SMYD3: variants seen among roughly 807,000 people sequenced by gnomAD.
SMYD3 encodes the protein histone-lysine N-methyltransferase SMYD3.
In SMYD3, 36 loss-of-function variants were observed where a neutral mutation model predicts 57.7. The observed-to-expected ratio is 0.62, with a 90% CI of 0.48 to 0.82. The LOEUF (loss-of-function observed/expected upper bound fraction) is 0.82, where lower values mean the gene tolerates loss of function less well. Ranked by LOEUF, SMYD3 falls within the 40% of genes least tolerant of loss-of-function variation. The pLI is 0.00. For synonymous variants in SMYD3, 211 were observed against 195.0 expected (o/e 1.08, Z -0.68); for missense variants, 515 against 538.8 (o/e 0.96, Z 0.44).
At chr1:246,193,581 G>A (rs1193622468) in intron 5 of SMYD3, 2 of 152,370 alleles carry the variant, frequency 1.3e-5, no homozygotes, top group Non-Finnish European at 2.9e-5. Flanking sequence ...GGCACCCCAC[G>A]TTTCTCTCCA....
chr1:246,164,172 G>C (rs1277661648), intron 5 of SMYD3, among the ~76,000 whole-genome samples: 3 of 152,152 alleles, frequency 2.0e-5, no homozygotes, highest in Non-Finnish European at 4.4e-5. Flanking sequence ...TAAAAATAAG[G>C]CTTCTTGGGA....
intron 5 of SMYD3, among the ~76,000 whole-genome samples, chr1:246,039,153 C>T (rs539668267): frequency 6.6e-6 from 1 of 152,234 alleles, no homozygotes; most frequent in South Asian, 2.1e-4. Context: ...GGATTTGCAT[C>T]CTAAAAAATA....
chr1:246,315,830 A>C (rs1346544935), intron 5 of SMYD3, among the ~76,000 whole-genome samples: 1 of 152,244 alleles, frequency 6.6e-6, no homozygotes, highest in Admixed American at 6.5e-5. Flanking sequence ...GCTTTAAAAG[A>C]ATCTGGTTTG....
chr1:246,134,798 T>TC (rs956622669), intron 5 of SMYD3, among the ~76,000 whole-genome samples: 147 of 106,692 alleles, frequency 1.4e-3, no homozygotes, highest in African/African-American at 2.5e-3. Context: ...CACATTTTCT[T>TC]CCCCCCCCTG....
chr1:245,985,133 C>T (rs2058677070), intron 5 of SMYD3, among the ~76,000 whole-genome samples: 1 of 152,216 alleles, frequency 6.6e-6, no homozygotes, highest in East Asian at 1.9e-4. Context: ...TTCACTGCCT[C>T]CCTTTTGGTC....
intron 5 of SMYD3, among the ~76,000 whole-genome samples, chr1:246,106,439 A>G (rs1162200037): frequency 6.6e-6 from 1 of 152,186 alleles, no homozygotes; most frequent in Non-Finnish European, 1.5e-5. Context: ...TCTCAAAGGG[A>G]GTGCAAAATT....
In SMYD3 at chr1:245,813,037, C is replaced by T. The variant is rs1441953631; in HGVS notation, c.1076+45459G>A. On this transcript the variant is annotated intron_variant, in intron 10 of 11. Coordinates refer to ENST00000490107, the MANE Select transcript of SMYD3 (RefSeq NM_001167740.2). ...TTTTTTTTTTTTTTTTTTTTTGAGA[C>T]GGAGTCTCGCTCTGTTGCCCAGGCT... is the stretch of plus-strand genomic sequence containing the variant. 1.1e-3 allele frequency among the ~76,000 whole-genome samples: 115 copies of T among 102,662 alleles called. 1 individual carries two copies. Among genetic ancestry groups the T allele is most frequent in the African/African-American group, 4.2e-3 (108 of 25,574 alleles). 67.4% of individuals were successfully genotyped at this position (102,662 alleles called of 152,430 possible). A position where few individuals can be genotyped will look rare whatever the true frequency, so the allele number is the denominator to read the frequency against.
intron 5 of SMYD3, among the ~76,000 whole-genome samples, chr1:246,161,736 A>G (rs956302279): frequency 6.6e-6 from 1 of 152,204 alleles, no homozygotes; most frequent in Non-Finnish European, 1.5e-5. Context: ...GGTCTGGCCA[A>G]TGACAGTATA....
chr1:245,793,125 C>A (rs58127975), intron 10 of SMYD3, among the ~76,000 whole-genome samples: 14 of 145,262 alleles, frequency 9.6e-5, no homozygotes, highest in East Asian at 2.0e-4. Flanking sequence ...CTGGCTAACA[C>A]GGTGAAACCC....
chr1:245,843,030 T>TAAAAACATTTTAATAGAAA (rs1469003902), intron 10 of SMYD3, among the ~76,000 whole-genome samples: 3 of 152,340 alleles, frequency 2.0e-5, no homozygotes, highest in Non-Finnish European at 4.4e-5. Context: ...TTTTTTAAAA[T>TAAAAACATTTTAATAGAAA]AAAAACATTT....
chr1:246,363,233 C>G (rs2066032702), intron 1 of SMYD3, among the ~76,000 whole-genome samples: 1 of 151,936 alleles, frequency 6.6e-6, no homozygotes, highest in African/African-American at 2.4e-5. Context: ...CGGCAGCCAC[C>G]CCGTCCGGGA....
intron 5 of SMYD3, among the ~76,000 whole-genome samples, chr1:246,297,410 C>T (rs988741880): frequency 1.3e-5 from 2 of 152,024 alleles, no homozygotes; most frequent in Non-Finnish European, 2.9e-5. Flanking sequence ...CACTTCAGTA[C>T]GGTAGTAGAG....
intron 2 of SMYD3, among the ~76,000 whole-genome samples, chr1:246,345,684 A>G (rs549223185): frequency 2.0e-5 from 3 of 152,144 alleles, no homozygotes; most frequent in Non-Finnish European, 4.4e-5. Context: ...TAAGGAGAAG[A>G]CTGCTCCTGC....
intron 5 of SMYD3, among the ~76,000 whole-genome samples, chr1:246,283,337 G>A (rs759465596): frequency 6.6e-6 from 1 of 152,172 alleles, no homozygotes; most frequent in Non-Finnish European, 1.5e-5. Context: ...TCATGAGCAT[G>A]AGCTATTGCC....
At chr1:246,220,922 A>C (rs1051350388) in intron 5 of SMYD3, among the ~76,000 whole-genome samples, 1 of 151,866 alleles carries the variant, frequency 6.6e-6, no homozygotes, top group African/African-American at 2.4e-5. Flanking sequence ...TGAGAGCTGC[A>C]GAGATGGTAC....
At chr1:245,947,341 T>C in intron 5 of SMYD3, 4 of 456,672 alleles carry the variant, frequency 8.8e-6, no homozygotes, top group Non-Finnish European at 1.8e-5. Context: ...TTGCAGGAAT[T>C]CATACACGGC....
chr1:246,104,945 A>G (rs2061090884), intron 5 of SMYD3, among the ~76,000 whole-genome samples: 1 of 152,216 alleles, frequency 6.6e-6, no homozygotes, highest in South Asian at 2.1e-4. Context: ...ACAGGGGGAA[A>G]GAGATCTCAG....
rs540965866 is a variant in SMYD3, at chr1:246,171,206, T to C, written c.531+155995A>G. 1.6e-3 allele frequency among the ~76,000 whole-genome samples: 247 copies of C among 152,314 alleles called. 1 individual carries two copies. Among genetic ancestry groups the C allele is most frequent in the African/African-American group, 5.5e-3 (229 of 41,572 alleles). ...TCAAGAATTGATTTTGGTAAACGTT[T>C]CAAAGATAACTGAAAAAAAGGTATA... is the stretch of plus-strand genomic sequence containing the variant. On this transcript the variant is annotated intron_variant, in intron 5 of 11. Transcript: ENST00000490107.
At chr1:246,231,395 C>A (rs10924580) in intron 5 of SMYD3, among the ~76,000 whole-genome samples, 31,575 of 151,936 alleles carry the variant, frequency 0.21, 4,002 homozygotes, top group East Asian at 0.58. Flanking sequence ...ATATATATCC[C>A]CACTATATGG....
Sources: gnomAD v4.1 joint callset for allele counts (sites outside exome capture counted in the v4.1 genomes callset) on GRCh38, gnomAD v4.1.1 for gene constraint, MANE v1.5 for transcripts, NCBI Gene and HGNC (gene_info 2026-07-23, HGNC 2026-07-21) for gene names.